The following ARK2N variants were observed in gnomAD, a reference collection of about 807,000 sequenced individuals.
The protein encoded by ARK2N is arkadia (RNF111) N-terminal like PKA signaling regulator 2N.
the ARK2N span, chr18:46,216,029 C>T: frequency 1.2e-6 from 2 of 1,614,056 alleles, no homozygotes; most frequent in South Asian, 1.1e-5. The surrounding 1 kb of genome is among the most constrained non-coding windows in gnomAD (Gnocchi z 4.3). Flanking sequence ...GCGGATTCTA[C>T]AGTTATTTCT....
chr18:46,249,450 T>A, the ARK2N span, among the ~76,000 whole-genome samples: 2 of 152,098 alleles, frequency 1.3e-5, no homozygotes, highest in Admixed American at 1.3e-4. Context: ...GTCAGAATGG[T>A]CTCGATCTCC....
the ARK2N span, among the ~76,000 whole-genome samples, chr18:46,189,556 G>T: frequency 4.6e-5 from 7 of 152,238 alleles, no homozygotes; most frequent in Non-Finnish European, 8.8e-5. Context: ...CTCCTGAATA[G>T]TTGGTACTGC....
At chr18:46,183,690 TGTAA>T in the ARK2N span, among the ~76,000 whole-genome samples, 1 of 152,184 alleles carries the variant, frequency 6.6e-6, no homozygotes, top group Non-Finnish European at 1.5e-5. Flanking sequence ...ATTGTATTTC[TGTAA>T]GTGTTTTTTA....
chr18:46,244,229 A>G, the ARK2N span, among the ~76,000 whole-genome samples: 6 of 152,138 alleles, frequency 3.9e-5, no homozygotes, highest in Non-Finnish European at 8.8e-5. Flanking sequence ...CTCACTGCAA[A>G]CAAATGTAGT....
chr18:46,209,199 A>G, the ARK2N span, among the ~76,000 whole-genome samples: 1 of 151,716 alleles, frequency 6.6e-6, no homozygotes, highest in Non-Finnish European at 1.5e-5. Context: ...GAAATTGAGC[A>G]TTGTGAATTG....
At chr18:46,176,403 G>A in the ARK2N span, among the ~76,000 whole-genome samples, 17 of 151,654 alleles carry the variant, frequency 1.1e-4, no homozygotes, top group Middle Eastern at 3.4e-3. Context: ...CATGTTTACT[G>A]AATAGACAGT....
the ARK2N span, among the ~76,000 whole-genome samples, chr18:46,204,982 C>T: frequency 3.4e-5 from 5 of 148,888 alleles, no homozygotes; most frequent in South Asian, 2.1e-4. Flanking sequence ...CTTGCCCTGT[C>T]GCCCAGGCTG....
At chr18:46,181,707 T>TC in the ARK2N span, among the ~76,000 whole-genome samples, 2 of 151,976 alleles carry the variant, frequency 1.3e-5, no homozygotes, top group South Asian at 2.1e-4. Flanking sequence ...AGAGCGAGAC[T>TC]CCGTCTCAAA....
At chr18:46,254,721 A>G in the ARK2N span, among the ~76,000 whole-genome samples, 1 of 152,348 alleles carries the variant, frequency 6.6e-6, no homozygotes, top group South Asian at 2.1e-4. Context: ...AACAAAGATT[A>G]TATGTCCTCC....
At chr18:46,219,726 T>C in the ARK2N span, among the ~76,000 whole-genome samples, 1 of 152,154 alleles carries the variant, frequency 6.6e-6, no homozygotes, top group African/African-American at 2.4e-5. Flanking sequence ...TGCCTTGGCC[T>C]CCCAAGTGCT....
chr18:46,204,045 A>C, the ARK2N span, among the ~76,000 whole-genome samples: 8 of 152,010 alleles, frequency 5.3e-5, no homozygotes, highest in African/African-American at 1.9e-4. Flanking sequence ...TGAAGGTAAG[A>C]ATAGACCTGC....
chr18:46,234,867 T>G, the ARK2N span, among the ~76,000 whole-genome samples: 1 of 152,174 alleles, frequency 6.6e-6, no homozygotes, highest in Non-Finnish European at 1.5e-5. Context: ...GTGAGGAGAT[T>G]GGCAAGATTA....
At chr18:46,263,407 C>T in the ARK2N span, 7 of 238,480 alleles carry the variant, frequency 2.9e-5, no homozygotes, top group Non-Finnish European at 5.7e-5. Flanking sequence ...TCTTAGGAAA[C>T]TCTGCCTTCC....
the ARK2N span, among the ~76,000 whole-genome samples, chr18:46,254,518 G>T: frequency 5.9e-5 from 9 of 152,158 alleles, no homozygotes; most frequent in African/African-American, 2.2e-4. Flanking sequence ...AGCTAAGAAT[G>T]ATTTTTACCT....
the ARK2N span, among the ~76,000 whole-genome samples, chr18:46,236,313 A>G: frequency 1.6e-4 from 25 of 152,184 alleles, no homozygotes; most frequent in African/African-American, 6.0e-4. Flanking sequence ...GTGCCCAGCC[A>G]TTCGTGGGTT....
At chr18:46,191,711 GT>G in the ARK2N span, among the ~76,000 whole-genome samples, 2 of 152,160 alleles carry the variant, frequency 1.3e-5, no homozygotes, top group Non-Finnish European at 2.9e-5. Flanking sequence ...AGAGTTCACT[GT>G]TGGTGTTGTA....
the ARK2N span, among the ~76,000 whole-genome samples, chr18:46,180,834 G>A: frequency 6.6e-6 from 1 of 152,102 alleles, no homozygotes; most frequent in Admixed American, 6.6e-5. Context: ...AGATTATAAG[G>A]GAAAAAAGTA....
At chr18:46,212,039 C>T in the ARK2N span, among the ~76,000 whole-genome samples, 8 of 152,088 alleles carry the variant, frequency 5.3e-5, no homozygotes, top group Non-Finnish European at 1.2e-4. Context: ...TAGGGCACTT[C>T]GTTTTTATTC....
At chr18:46,216,045 G>T in the ARK2N span, 2 of 1,614,056 alleles carry the variant, frequency 1.2e-6, no homozygotes, top group Non-Finnish European at 1.7e-6. The surrounding 1 kb of genome is among the most constrained non-coding windows in gnomAD (Gnocchi z 4.3). Context: ...TTTCTTCAAT[G>T]CCCTGCTTGT....
Sources: allele counts gnomAD v4.1 joint callset (sites outside exome capture counted in the v4.1 genomes callset), GRCh38; gene constraint gnomAD v4.1.1; non-coding constraint Gnocchi (gnomAD v3.1); transcripts MANE v1.5; gene names NCBI Gene and HGNC (gene_info 2026-07-23, HGNC 2026-07-21).